Variants in GRID2 observed in about 807,000 individuals in gnomAD.
The protein encoded by GRID2 is glutamate ionotropic receptor delta type subunit 2, also known as glutamate receptor ionotropic, delta-2.
A neutral mutation model predicts 114.8 loss-of-function variants in GRID2; 33 were observed. That is an observed-to-expected ratio of 0.29 (90% CI 0.22 to 0.38). GRID2 has a LOEUF of 0.38. GRID2 is among the 10% of genes least tolerant of loss of function. GRID2 has a pLI of 1.00. For missense variants in GRID2, 1,184 were observed against 1,257.7 expected (o/e 0.94, Z 0.89); for synonymous variants, 505 against 449.9 (o/e 1.12, Z -1.55).
At chr4:93,336,524 T>C (rs763745148) in intron 8 of GRID2, among the ~76,000 whole-genome samples, 2 of 152,280 alleles carry the variant, frequency 1.3e-5, no homozygotes, top group Non-Finnish European at 2.9e-5. Flanking sequence ...ATATATGCTC[T>C]CAGGTATATG....
chr4:93,047,085 T>G lies in GRID2; in HGVS notation c.245-37910T>G, dbSNP rs544058415. Among the ~76,000 whole-genome samples the G allele has an allele frequency of 7.9e-5, 12 of 151,948 alleles. 1 individual carries two copies. Among genetic ancestry groups the G allele is most frequent in the Admixed American group, 7.2e-4 (11 of 15,212 alleles). ...TCCTTCTAATAACCCATAACTCCAG[T>G]CCTGTCATGAGAAAAATACCAGATT... is the stretch of plus-strand genomic sequence containing the variant. On this transcript the variant is annotated intron_variant, in intron 2 of 15. Transcript: ENST00000282020.
intron 8 of GRID2, among the ~76,000 whole-genome samples, chr4:93,335,694 CT>C (rs55823712): frequency 0.44 from 61,656 of 141,574 alleles, 13,368 homozygotes; most frequent in East Asian, 0.68. Context: ...TTTCTTCTTT[CT>C]TTTTTTTTTT....
At chr4:93,223,338 A>T (rs1229669505) in intron 6 of GRID2, among the ~76,000 whole-genome samples, 1 of 152,178 alleles carries the variant, frequency 6.6e-6, no homozygotes, top group Non-Finnish European at 1.5e-5. Context: ...AAAGGCCTAC[A>T]AGTATTATAC....
intron 13 of GRID2, among the ~76,000 whole-genome samples, chr4:93,623,386 T>C (rs1360585953): frequency 6.6e-6 from 1 of 152,160 alleles, no homozygotes; most frequent in African/African-American, 2.4e-5. Context: ...CATGTGGTGT[T>C]TGGTTTTCTG....
At chr4:93,618,026 C>A (rs1560825706) in intron 13 of GRID2, among the ~76,000 whole-genome samples, 1 of 152,176 alleles carries the variant, frequency 6.6e-6, no homozygotes, top group Non-Finnish European at 1.5e-5. Flanking sequence ...GGATTTGTTG[C>A]CTCCCTGAAA....
intron 14 of GRID2, among the ~76,000 whole-genome samples, chr4:93,731,626 G>A (rs190995143): frequency 6.6e-6 from 1 of 152,170 alleles, no homozygotes; most frequent in Non-Finnish European, 1.5e-5. Context: ...AGGACCTGGG[G>A]TGAAGCCTTC....
intron 14 of GRID2, among the ~76,000 whole-genome samples, chr4:93,691,839 G>A (rs1726591854): frequency 6.6e-6 from 1 of 151,634 alleles, no homozygotes; most frequent in Admixed American, 6.6e-5. Context: ...TTCATTCTCT[G>A]AGATCTGACA....
intron 1 of GRID2, among the ~76,000 whole-genome samples, chr4:92,548,419 T>TTTTTTTA (rs1726391493): frequency 1.4e-5 from 2 of 144,482 alleles, no homozygotes; most frequent in South Asian, 2.2e-4. Flanking sequence ...TTTTTTTTTT[T>TTTTTTTA]GAGACAGAGT....
rs544742039 is a variant in GRID2 at position 93,463,796 on chromosome 4, T to C, written c.1858+7822T>C. Among the ~76,000 whole-genome samples the C allele has an allele frequency of 1.2e-3, 175 of 152,114 alleles. 1 individual carries two copies. Among genetic ancestry groups the C allele is most frequent in the Non-Finnish European group, 1.8e-3 (124 of 68,028 alleles). On this transcript the variant is annotated intron_variant, in intron 11 of 15. Coordinates refer to ENST00000282020, the MANE Select transcript of GRID2 (RefSeq NM_001510.4). ...GGAGGTCAGGAGATCGAGACCATCC[T>C]GGCTAACATGGTGAAACCCTGTCTC...
chr4:93,022,557 TA>T (rs1723480126), intron 2 of GRID2, among the ~76,000 whole-genome samples: 1 of 152,010 alleles, frequency 6.6e-6, no homozygotes, highest in Non-Finnish European at 1.5e-5. Flanking sequence ...AATTCCTAGT[TA>T]AAGAAACTAC....
intron 2 of GRID2, among the ~76,000 whole-genome samples, chr4:93,031,208 G>A (rs1008696810): frequency 1.3e-5 from 2 of 151,798 alleles, no homozygotes; most frequent in African/African-American, 4.8e-5. Context: ...ACCACGCCCA[G>A]CTAATTTTTA....
intron 1 of GRID2, among the ~76,000 whole-genome samples, chr4:92,459,360 A>G (rs1476810001): frequency 6.6e-6 from 1 of 152,224 alleles, no homozygotes; most frequent in African/African-American, 2.4e-5. Flanking sequence ...ATTATATACT[A>G]GCGTAACATA....
intron 2 of GRID2, among the ~76,000 whole-genome samples, chr4:92,666,650 G>GTTTTTTTTTTTTT (rs70942922): frequency 0.011 from 724 of 68,454 alleles, 57 homozygotes; most frequent in East Asian, 0.018. Context: ...CTTAAGGGTT[G>GTTTTTTTTTTTTT]TTTTTTTTTT....
chr4:93,069,529 G>T (rs1231750614), intron 2 of GRID2, among the ~76,000 whole-genome samples: 2 of 151,944 alleles, frequency 1.3e-5, no homozygotes. Context: ...AAACAGTAAA[G>T]TAAAAATGTC....
At chr4:92,868,025 T>A (rs1265576009) in intron 2 of GRID2, among the ~76,000 whole-genome samples, 3 of 86,550 alleles carry the variant, frequency 3.5e-5, no homozygotes, top group African/African-American at 1.2e-4. Context: ...GTTTTCTTTC[T>A]TTCTTTCTTT....
At chr4:92,487,901 A>G (rs1465005623) in intron 1 of GRID2, among the ~76,000 whole-genome samples, 1 of 152,130 alleles carries the variant, frequency 6.6e-6, no homozygotes, top group Non-Finnish European at 1.5e-5. Flanking sequence ...CTTCTCCTCT[A>G]AGAAAACAAT....
intron 2 of GRID2, among the ~76,000 whole-genome samples, chr4:92,632,043 TTCTG>T (rs1287338202): frequency 6.6e-6 from 1 of 152,176 alleles, no homozygotes; most frequent in Non-Finnish European, 1.5e-5. Flanking sequence ...GAATGCTTTG[TTCTG>T]TCTAAAATAT....
In GRID2 at chr4:93,606,620, T is replaced by C. The variant is rs116536898; in HGVS notation, c.2194-19649T>C. 8.7e-3 allele frequency among the ~76,000 whole-genome samples: 1,328 copies of C among 152,306 alleles called. 16 individuals carry two copies. Among genetic ancestry groups the C allele is most frequent in the African/African-American group, 0.029 (1,213 of 41,570 alleles). On this transcript the variant is annotated intron_variant, in intron 13 of 15. Coordinates refer to ENST00000282020, the MANE Select transcript of GRID2 (RefSeq NM_001510.4). ...AAATATAGATGGACAGATGGCAAGA[T>C]CTAGCAATTTTATCATAAATTTTAT...
At chr4:92,921,205 C>T (rs986385447) in intron 2 of GRID2, among the ~76,000 whole-genome samples, 1 of 152,024 alleles carries the variant, frequency 6.6e-6, no homozygotes, top group Non-Finnish European at 1.5e-5. Flanking sequence ...TTCATCAGGT[C>T]CTTTAAGGAC....
Sources: allele counts gnomAD v4.1 joint callset (sites outside exome capture counted in the v4.1 genomes callset), GRCh38; gene constraint gnomAD v4.1.1; transcripts MANE v1.5; gene names NCBI Gene and HGNC (gene_info 2026-07-23, HGNC 2026-07-21).